ZNF510: variants seen among roughly 807,000 people sequenced by gnomAD.
ZNF510 encodes zinc finger protein 510.
A neutral mutation model predicts 18.1 loss-of-function variants in ZNF510; 15 were observed. The ratio of observed to expected loss-of-function variants is 0.83; its 90% CI spans 0.55 to 1.28. ZNF510 has a LOEUF of 1.28. Ranked by LOEUF, ZNF510 falls within the 50% of genes most tolerant of loss-of-function variation. ZNF510 has a pLI of 0.00. For missense variants in ZNF510, 724 were observed against 791.8 expected, an observed-to-expected ratio of 0.91 and a Z score of 1.03; for synonymous variants, 261 against 266.4, an observed-to-expected ratio of 0.98 and a Z score of 0.20.
intron 3 of ZNF510, among the ~76,000 whole-genome samples, chr9:96,771,418 TACTC>T (rs1318193843): frequency 3.4e-5 from 5 of 147,002 alleles, no homozygotes; most frequent in Non-Finnish European, 5.9e-5. Context: ...TCTGACAAAA[TACTC>T]ATGCATGATT....
chr9:96,770,277 A>C (rs1369921919), intron 3 of ZNF510, among the ~76,000 whole-genome samples: 2 of 152,144 alleles, frequency 1.3e-5, no homozygotes, highest in Admixed American at 1.3e-4. Flanking sequence ...CCTTGAAAAC[A>C]GTATGCTAAG....
chr9:96,773,580 G>GT (rs911489441), intron 3 of ZNF510, among the ~76,000 whole-genome samples: 2,855 of 143,220 alleles, frequency 0.02, 55 homozygotes, highest in African/African-American at 0.043. Context: ...GTTGACATCT[G>GT]TTTTTTTTTT....
intron 3 of ZNF510, among the ~76,000 whole-genome samples, chr9:96,764,922 G>C (rs946790411): frequency 6.6e-6 from 1 of 152,124 alleles, no homozygotes; most frequent in Non-Finnish European, 1.5e-5. Flanking sequence ...AGACCAGCCT[G>C]ACCAACGTGG....
rs747630964 is a variant in ZNF510, at chr9:96,759,119, G to T, written c.1711C>A (p.Pro571Thr). ...TTCCCACATTCGTTACATTTGAATG[G>T]TTTCTCTCCCGTGTGAGTTTTCTGA... ...QHQKTHTGEK[P>T]FKCNECGKTF... Residue 571 changes from proline (P) to threonine (T), a missense_variant, in exon 6 of 6, where the codon CCA (proline) becomes ACA (threonine). Physicochemically the swap from Pro to Thr is conservative, Grantham distance 38. Coordinates refer to ENST00000223428, the MANE Select transcript of ZNF510 (RefSeq NM_014930.3). 1.9e-6 allele frequency: 3 copies of T among 1,614,070 alleles called. No individual in the cohort carries two copies. Among genetic ancestry groups the T allele is most frequent in the Non-Finnish European group, 1.7e-6 (2 of 1,180,014 alleles).
intron 4 of ZNF510, 39 bp from the exon 5 acceptor site, chr9:96,763,252 A>G (rs753379845): frequency 1.9e-6 from 3 of 1,597,654 alleles, no homozygotes; most frequent in South Asian, 2.2e-5. Flanking sequence ...GACCAGATAT[A>G]TGAGATTTTA....
rs1280720745 is a variant in ZNF510 at position 96,759,885 on chromosome 9, C to T, written c.945G>A (p.Gly315=). 1 of 1,613,294 alleles carries T rather than the reference C, an allele frequency of 6.2e-7. No homozygotes were observed. The highest frequency in any genetic ancestry group is 1.3e-5 in the African/African-American group (1 of 75,040). Reference sequence around the variant, plus strand: ...CCACAGTTGACTTCTCAAAGGATTTCCCACATTGATTAAGATGCAGGTGTT... The same window carrying T: ...CCACAGTTGACTTCTCAAAGGATTTTCCACATTGATTAAGATGCAGGTGTT... ...GKKHLHLNQC[G]KSFEKSTVEE... The change falls in exon 6 of 6, where the codon GGG becomes GGA. Residue 315 remains glycine (G), a synonymous_variant. Transcript: ENST00000223428.
intron 3 of ZNF510, among the ~76,000 whole-genome samples, chr9:96,769,522 T>G (rs746818845): frequency 6.7e-6 from 1 of 150,192 alleles, no homozygotes; most frequent in African/African-American, 2.5e-5. Context: ...AAATCAGGAG[T>G]AAACCTTTAT....
At position 96,763,505 on chromosome 9, in the gene ZNF510, C is replaced by A; in HGVS notation, c.256+1G>T. The A allele has an allele frequency of 1.2e-6, 2 of 1,604,518 alleles. No individual in the cohort carries two copies. Among genetic ancestry groups the A allele is most frequent in the South Asian group, 1.1e-5 (1 of 89,078 alleles). Reference sequence around the variant, plus strand: ...AGGGTAAGTTATGTTTACATGCTTACCCACTGAGACGAGGTTGCTGTAGTT... The same window carrying A: ...AGGGTAAGTTATGTTTACATGCTTAACCACTGAGACGAGGTTGCTGTAGTT... On this transcript the variant is annotated splice_donor_variant, in intron 4 of 5. Coordinates refer to ENST00000223428, the MANE Select transcript of ZNF510 (RefSeq NM_014930.3). LOFTEE classifies it high-confidence loss of function.
At chr9:96,770,405 C>T (rs1849560320) in intron 3 of ZNF510, among the ~76,000 whole-genome samples, 1 of 146,948 alleles carries the variant, frequency 6.8e-6, no homozygotes, top group Non-Finnish European at 1.5e-5. Context: ...GCCTGGCCAA[C>T]ATGGTGACAC....
chr9:96,769,007 A>G (rs927576357), intron 3 of ZNF510, among the ~76,000 whole-genome samples: 2 of 152,202 alleles, frequency 1.3e-5, no homozygotes, highest in Non-Finnish European at 2.9e-5. Context: ...ACAGAATAGC[A>G]CTGAGAGCCC....
rs1849208718 is a variant in ZNF510, at chr9:96,756,930, A to T, written c.*1848T>A. 6.6e-6 allele frequency: 1 copy of T among 152,246 alleles called. No individual in the cohort carries two copies. Among genetic ancestry groups the T allele is most frequent in the African/African-American group, 2.4e-5 (1 of 41,452 alleles). 9.4% of individuals were successfully genotyped at this position (152,246 alleles called of 1,614,324 possible). A position where few individuals can be genotyped will look rare whatever the true frequency, so the allele number is the denominator to read the frequency against. On this transcript the variant is annotated 3_prime_UTR_variant, in exon 6 of 6. Transcript: ENST00000223428. ...TCTATGACTTATGCGAATTACAGGG[A>T]ATTAGAATTCTCTCTATAACTTATG...
intron 3 of ZNF510, among the ~76,000 whole-genome samples, chr9:96,768,576 AAG>A (rs1421690627): frequency 1.3e-5 from 2 of 152,144 alleles, no homozygotes; most frequent in Non-Finnish European, 2.9e-5. Flanking sequence ...AATAATAAAA[AAG>A]AAAACAATTC....
intron 3 of ZNF510, among the ~76,000 whole-genome samples, chr9:96,765,094 C>T (rs887212876): frequency 6.6e-6 from 1 of 151,288 alleles, no homozygotes; most frequent in Non-Finnish European, 1.5e-5. Flanking sequence ...GCCTGGGTGA[C>T]AGAGTGAGAT....
chr9:96,767,968 C>A (rs1588130187), intron 3 of ZNF510, among the ~76,000 whole-genome samples: 1 of 152,060 alleles, frequency 6.6e-6, no homozygotes, highest in Admixed American at 6.6e-5. Context: ...AAGTTTTCAA[C>A]AAAATACTCG....
intron 3 of ZNF510, among the ~76,000 whole-genome samples, chr9:96,773,186 G>C (rs1024689178): frequency 6.6e-6 from 1 of 152,048 alleles, no homozygotes; most frequent in Admixed American, 6.5e-5. Flanking sequence ...CCTGTAGAGG[G>C]GAGCAGTGGT....
At position 96,774,689 on chromosome 9, in the gene ZNF510, T is replaced by C. The variant is rs1042499932; in HGVS notation, c.129+99A>G. The C allele has an allele frequency of 9.0e-6, 10 of 1,113,738 alleles. No homozygotes were observed. In the African/African-American group the frequency reaches 1.2e-4, roughly 14 times the overall value. The allele number at this position is 1,113,738 out of a possible 1,614,324, so 69.0% of individuals were successfully genotyped here. The stretch of plus-strand genomic sequence containing the variant: ...ACTGCCCTGCTTTTCTATATATTCC[T>C]TGAATGATTTTGATCCATTTCTACA... On this transcript the variant is annotated intron_variant, in intron 3 of 5. Transcript: ENST00000223428.
intron 3 of ZNF510, among the ~76,000 whole-genome samples, chr9:96,764,897 G>A (rs562821822): frequency 3.3e-5 from 5 of 152,058 alleles, no homozygotes; most frequent in African/African-American, 9.6e-5. Flanking sequence ...GGCGGATCAC[G>A]AGGTCAGGAG....
At position 96,763,233 on chromosome 9, in the gene ZNF510, G is replaced by A. The variant is rs192595768; in HGVS notation, c.257-20C>T. 493 of 1,608,236 alleles carry A rather than the reference G, an allele frequency of 3.1e-4. No homozygotes were observed. Among genetic ancestry groups the A allele is most frequent in the Middle Eastern group, 5.0e-4 (3 of 6,050 alleles). On this transcript the variant is annotated intron_variant, in intron 4 of 5. Coordinates refer to ENST00000223428, the MANE Select transcript of ZNF510 (RefSeq NM_014930.3). ...AGTACCCTGTTAATAAAACACAATCGAGGACTTAGACCAGATATATGAGAT... is the reference window on the plus strand; with the variant it reads ...AGTACCCTGTTAATAAAACACAATCAAGGACTTAGACCAGATATATGAGAT...
At chr9:96,762,529 G>T (rs927358714) in intron 5 of ZNF510, among the ~76,000 whole-genome samples, 1 of 145,316 alleles carries the variant, frequency 6.9e-6, no homozygotes, top group African/African-American at 2.7e-5. Flanking sequence ...AAAAAGAAAA[G>T]AAAAAGAAAA....
Sources: gnomAD v4.1 joint callset for allele counts (sites outside exome capture counted in the v4.1 genomes callset) on GRCh38, gnomAD v4.1.1 for gene constraint, MANE v1.5 for transcripts, NCBI Gene and HGNC (gene_info 2026-07-23, HGNC 2026-07-21) for gene names.